STAB2: variants seen among roughly 807,000 people sequenced by gnomAD.
STAB2 encodes stabilin 2, also known as stabilin-2.
A neutral mutation model predicts 338.1 loss-of-function variants in STAB2; 288 were observed. The observed-to-expected ratio is 0.85, with a 90% CI of 0.77 to 0.94. The LOEUF (loss-of-function observed/expected upper bound fraction) is 0.94. STAB2 is among the 40% of genes least tolerant of loss of function. The probability of loss-of-function intolerance (pLI) is 0.00; values close to 1 mark genes in which losing one functional copy is unlikely to be tolerated. For synonymous variants in STAB2, 1,202 were observed against 1,193.3 expected (o/e 1.01, Z -0.15); for missense variants, 3,141 against 3,210.1 (o/e 0.98, Z 0.52).
chr12:103,706,151 T>C (rs1274997635), intron 37 of STAB2, among the ~76,000 whole-genome samples: 1 of 152,206 alleles, frequency 6.6e-6, no homozygotes, highest in Non-Finnish European at 1.5e-5. Flanking sequence ...GGAAAAGTCA[T>C]GAGAACTTCC....
chr12:103,690,856 GTTGA>G (rs1395119916), intron 30 of STAB2, among the ~76,000 whole-genome samples: 2 of 152,214 alleles, frequency 1.3e-5, no homozygotes, highest in Admixed American at 1.3e-4. Flanking sequence ...TTGACGTATA[GTTGA>G]TTAAGACCTG....
chr12:103,639,789 T>C (rs1226908132), intron 8 of STAB2, among the ~76,000 whole-genome samples: 3 of 151,988 alleles, frequency 2.0e-5, no homozygotes, highest in Admixed American at 2.0e-4. Flanking sequence ...AAACCATTAT[T>C]CTAAAGCAAT....
intron 57 of STAB2, among the ~76,000 whole-genome samples, chr12:103,746,164 C>T (rs566093222): frequency 6.6e-6 from 1 of 152,262 alleles, no homozygotes; most frequent in East Asian, 1.9e-4. Flanking sequence ...GCACTGTAAC[C>T]CCAGCCAATA....
Position 103,753,333 on chromosome 12 carries a change from C to T in STAB2, c.6694C>T (p.Gln2232Ter), listed in dbSNP as rs748086071. 1 of 1,614,246 alleles carries T rather than the reference C, an allele frequency of 6.2e-7. No individual in the cohort carries two copies. Among genetic ancestry groups the T allele is most frequent in the Non-Finnish European group, 8.5e-7 (1 of 1,180,042 alleles). ...NEAATMATYN[Q>*]LSYAQKAKYH... ...AGCTGCGACCATGGCAACCTACAAC[C>T]AGCTCTCCTATGCCCAGAAGGTGGG... The change falls in exon 61 of 69, where the codon CAG becomes TAG. Residue 2232 changes from glutamine (Q) to a stop codon, truncating the protein, a stop_gained. Transcript: ENST00000388887. LOFTEE classifies it high-confidence loss of function.
At position 103,755,298 on chromosome 12, in the gene STAB2, G is replaced by A; in HGVS notation, c.6715-4G>A. 6.2e-7 allele frequency: 1 copy of A among 1,613,534 alleles called. No homozygotes were observed. On this transcript the variant is annotated splice_polypyrimidine_tract_variant and splice_region_variant and intron_variant, in intron 61 of 68. Transcript: ENST00000388887. ...GACCCATGGCCCTGTCTGTATCCCT[G>A]CAGGCCAAGTACCACCTGTGCTCAG...
Position 103,674,140 on chromosome 12 carries a change from G to T in STAB2, c.2552+53G>T, listed in dbSNP as rs1876108902. 11 of 1,558,418 alleles carry T rather than the reference G, an allele frequency of 7.1e-6. No homozygotes were observed. In the South Asian group the frequency reaches 1.3e-4, roughly 18 times the overall value. On this transcript the variant is annotated intron_variant, in intron 23 of 68. Transcript: ENST00000388887. The stretch of plus-strand genomic sequence containing the variant: ...TGACGCTGAGTCATTAAGTGTAAGG[G>T]GATGGCACTTAATGACGCTGTGTTA...
At chr12:103,755,228 A>C in intron 61 of STAB2, 74 bp from the exon 62 acceptor site, 1 of 1,568,618 alleles carries the variant, frequency 6.4e-7, no homozygotes, top group Non-Finnish European at 8.6e-7. Flanking sequence ...TAATAGGGGA[A>C]TCAGACATTA....
chr12:103,762,155 T>C, intron 66 of STAB2, 119 bp from the exon 67 acceptor site: 1 of 1,388,994 alleles, frequency 7.2e-7, no homozygotes. Context: ...GCCAGATACA[T>C]GTTAACATGT....
chr12:103,604,283 A>C (rs1359921481), intron 3 of STAB2, among the ~76,000 whole-genome samples: 1 of 152,042 alleles, frequency 6.6e-6, no homozygotes, highest in Non-Finnish European at 1.5e-5. Flanking sequence ...TTGTTTAAAA[A>C]TTTTGTGTCT....
intron 33 of STAB2, among the ~76,000 whole-genome samples, chr12:103,697,922 C>G (rs990696931): frequency 6.6e-6 from 1 of 152,104 alleles, no homozygotes; most frequent in Non-Finnish European, 1.5e-5. Flanking sequence ...GGATGAGTGG[C>G]GAGGGTCTCT....
chr12:103,630,379 G>T lies in STAB2; in HGVS notation c.488-1219G>T, dbSNP rs966730927. On this transcript the variant is annotated intron_variant, in intron 5 of 68. Transcript: ENST00000388887. ...TTTCTGGTTAAGTTTTTAAGCAGGT[G>T]CATCTTCTTAATTATGTTTCATTTG... Among the ~76,000 whole-genome samples the T allele has an allele frequency of 2.6e-5, 4 of 152,192 alleles. No homozygotes were observed. In the South Asian group the frequency reaches 8.3e-4, roughly 31 times the overall value.
At chr12:103,667,733 G>C (rs1171077923) in intron 19 of STAB2, among the ~76,000 whole-genome samples, 2 of 152,182 alleles carry the variant, frequency 1.3e-5, no homozygotes, top group Non-Finnish European at 2.9e-5. Flanking sequence ...TATAGCCTAG[G>C]AAAGTCTCAT....
intron 4 of STAB2, among the ~76,000 whole-genome samples, chr12:103,621,588 C>T (rs924839760): frequency 3.3e-5 from 5 of 152,022 alleles, no homozygotes; most frequent in South Asian, 2.1e-4. Flanking sequence ...AAAAATTATC[C>T]GGGTGTGGTG....
At chr12:103,754,374 C>G (rs1883929542) in intron 61 of STAB2, among the ~76,000 whole-genome samples, 1 of 152,050 alleles carries the variant, frequency 6.6e-6, no homozygotes, top group East Asian at 1.9e-4. Context: ...GGTTTGAATG[C>G]CAGTTGCCAG....
At chr12:103,696,495 G>A (rs533709818) in intron 33 of STAB2, among the ~76,000 whole-genome samples, 23 of 152,270 alleles carry the variant, frequency 1.5e-4, no homozygotes, top group South Asian at 6.2e-4. Flanking sequence ...TCAGCTTATG[G>A]TAGTCTTAAA....
chr12:103,742,267 G>A (rs573654257), intron 55 of STAB2, 138 bp from the exon 56 acceptor site: 2 of 1,107,942 alleles, frequency 1.8e-6, no homozygotes, highest in South Asian at 1.5e-5. Flanking sequence ...CCAGTGACGT[G>A]CCTTAAATAT....
chr12:103,729,908 T>C (rs1475259887), intron 48 of STAB2, among the ~76,000 whole-genome samples: 1 of 152,258 alleles, frequency 6.6e-6, no homozygotes, highest in Non-Finnish European at 1.5e-5. Context: ...TAGATGATTC[T>C]ATGTTATAAT....
At chr12:103,750,532 G>A (rs747815457) in intron 59 of STAB2, 47 bp from the exon 60 acceptor site, 2 of 1,605,980 alleles carry the variant, frequency 1.2e-6, no homozygotes, top group African/African-American at 1.3e-5. Flanking sequence ...GCATCCTGGG[G>A]TCCTAGAGAA....
Position 103,706,956 on chromosome 12 carries a change from C to T in STAB2, c.4161C>T (p.Thr1387=), listed in dbSNP as rs771166761. ...GFSGTACETC[T]EGKYGIHCDQ... ...GCGGCACAGCCTGCGAGACCTGCAC[C>T]GAGGGCAAGTACGGCATCCACTGTG... Residue 1387 remains threonine, a synonymous_variant, in exon 38 of 69, where the codon ACC becomes ACT. Transcript: ENST00000388887. 23 of 1,614,158 alleles carry T rather than the reference C, an allele frequency of 1.4e-5. No individual in the cohort carries two copies. In the East Asian group the frequency reaches 1.8e-4, roughly 13 times the overall value.
Sources: allele counts gnomAD v4.1 joint callset (sites outside exome capture counted in the v4.1 genomes callset), GRCh38; gene constraint gnomAD v4.1.1; transcripts MANE v1.5; gene names NCBI Gene and HGNC (gene_info 2026-07-23, HGNC 2026-07-21).